The following WDR20 variants were observed in gnomAD, a reference collection of about 807,000 sequenced individuals.
WDR20 encodes WD repeat-containing protein 20.
In WDR20, 3 loss-of-function variants were observed where a neutral mutation model predicts 38.7. The observed-to-expected ratio is 0.08, with a 90% confidence interval of 0.04 to 0.20. The LOEUF is 0.20. WDR20 is among the 10% of genes least tolerant of loss of function. The pLI is 1.00. For synonymous variants in WDR20, 298 were observed against 285.6 expected (o/e 1.04, Z -0.44); for missense variants, 559 against 727.7 (o/e 0.77, Z 2.67).
At chr14:102,174,578 C>T (rs751721909) in intron 1 of WDR20, among the ~76,000 whole-genome samples, 1 of 152,102 alleles carries the variant, frequency 6.6e-6, no homozygotes, top group African/African-American at 2.4e-5. Context: ...CGCCACCATG[C>T]CTGGCTAATT....
intron 1 of WDR20, among the ~76,000 whole-genome samples, chr14:102,168,474 G>A (rs985858180): frequency 6.6e-6 from 1 of 151,910 alleles, no homozygotes; most frequent in Non-Finnish European, 1.5e-5. Flanking sequence ...CCCTAGTACC[G>A]AGTATTATGC....
chr14:102,161,121 C>CATATATATATATATATACAT (rs2058560413), intron 1 of WDR20, among the ~76,000 whole-genome samples: 1 of 11,130 alleles, frequency 9.0e-5, no homozygotes, highest in Non-Finnish European at 1.8e-4. Flanking sequence ...AGCATAACTG[C>CATATATATATATATATACAT]ATATATATAT....
chr14:102,194,024 G>A (rs1376639734), intron 1 of WDR20, among the ~76,000 whole-genome samples: 1 of 152,218 alleles, frequency 6.6e-6, no homozygotes, highest in Admixed American at 6.5e-5. Context: ...ACCCAAGTGA[G>A]AAATCATTTG....
At chr14:102,178,391 CAAA>C (rs34653819) in intron 1 of WDR20, among the ~76,000 whole-genome samples, 9 of 143,222 alleles carry the variant, frequency 6.3e-5, no homozygotes, top group Admixed American at 1.4e-4. Flanking sequence ...GACTCTGTCT[CAAA>C]AAAAAAAAAA....
At chr14:102,147,775 G>A (rs537792787) in intron 1 of WDR20, among the ~76,000 whole-genome samples, 87 of 152,268 alleles carry the variant, frequency 5.7e-4, no homozygotes, top group African/African-American at 1.9e-3. Flanking sequence ...CTATTCCCCA[G>A]GCTGGAGTGC....
At chr14:102,212,632 C>T (rs1486015707), downstream of WDR20, 35 of 1,534,744 alleles carry the variant, frequency 2.3e-5, no homozygotes, top group African/African-American at 8.2e-5. Flanking sequence ...GGCAGGGAAG[C>T]GCCCTTCTCC....
At chr14:102,211,964 C>T (rs937616051), downstream of WDR20, among the ~76,000 whole-genome samples, 3 of 152,258 alleles carry the variant, frequency 2.0e-5, no homozygotes, top group South Asian at 2.1e-4. This position sits in a 1 kb window ranked among gnomAD's most constrained non-coding sequence, Gnocchi z 4.2. Context: ...GAGTAACCAA[C>T]GTGACCGACT....
At chr14:102,197,745 GT>G (rs1190080083) in intron 2 of WDR20, 2 of 700,146 alleles carry the variant, frequency 2.9e-6, no homozygotes, top group East Asian at 2.7e-5. Context: ...GATCAAATGT[GT>G]TTTTTTAGAA....
chr14:102,139,713 C>T, upstream of WDR20: 2 of 743,506 alleles, frequency 2.7e-6, no homozygotes, highest in Non-Finnish European at 4.3e-6. Flanking sequence ...GACGCCCAGT[C>T]GGGTGGAGCA....
intron 1 of WDR20, among the ~76,000 whole-genome samples, chr14:102,145,992 T>G (rs531265551): frequency 1.4e-4 from 22 of 151,834 alleles, no homozygotes; most frequent in Middle Eastern, 6.8e-3. Flanking sequence ...CTCAGTTGTT[T>G]TTTTTTTTTT....
chr14:102,209,336 T>C lies in WDR20; in HGVS notation c.1166T>C (p.Phe389Ser). Residue 389 changes from phenylalanine to serine, a missense_variant, in exon 3 of 3, where the codon TTC (phenylalanine) becomes TCC (serine). Coordinates refer to ENST00000342702, the MANE Select transcript of WDR20 (RefSeq NM_144574.4). This position sits in a 1 kb window ranked among gnomAD's most constrained non-coding sequence, Gnocchi z 6.0. ...TGGGACCTTACAGAAGATATCCTTT[T>C]CCCTCACCAACCCCTCTCAAGAGCA... ...CLWDLTEDIL[F>S]PHQPLSRART... The C allele has an allele frequency of 1.2e-6, 2 of 1,614,058 alleles. No homozygotes were observed. Among genetic ancestry groups the C allele is most frequent in the Non-Finnish European group, 1.7e-6 (2 of 1,180,010 alleles).
chr14:102,160,970 A>T (rs28438611), intron 1 of WDR20, among the ~76,000 whole-genome samples: 2 of 144,598 alleles, frequency 1.4e-5, no homozygotes, highest in East Asian at 4.1e-4. Flanking sequence ...AAAAAAAAGA[A>T]TAATGCTGCA....
In WDR20 at chr14:102,161,142, A is replaced by ATTTT. The variant is rs1233679287; in HGVS notation, c.249+20993_249+20996dup. Among the ~76,000 whole-genome samples the ATTTT allele has an allele frequency of 3.2e-3, 52 of 16,052 alleles. 10 individuals carry two copies. Among genetic ancestry groups the ATTTT allele is most frequent in the Non-Finnish European group, 4.1e-3 (43 of 10,478 alleles). The allele number at this position is 16,052 out of a possible 152,430, so 10.5% of individuals were successfully genotyped here. On this transcript the variant is annotated intron_variant, in intron 1 of 2. Transcript: ENST00000342702. ...ACTGCATATATATATATATATATATATTTTTTTTTTTTTTTTTTTTTTTTT... is the reference window on the plus strand; with the variant it reads ...ACTGCATATATATATATATATATATATTTTTTTTTTTTTTTTTTTTTTTTTTTTT...
At chr14:102,139,584 C>A, upstream of WDR20, 1 of 703,712 alleles carries the variant, frequency 1.4e-6, no homozygotes. Flanking sequence ...TCCCCCTGAC[C>A]GGCTTTCCGC....
At chr14:102,204,658 A>T (rs551302011) in intron 2 of WDR20, among the ~76,000 whole-genome samples, 1 of 152,312 alleles carries the variant, frequency 6.6e-6, no homozygotes, top group South Asian at 2.1e-4. Flanking sequence ...GCCTTCCTGT[A>T]GGGAGACAGG....
In WDR20 at chr14:102,210,358, A is replaced by C. The variant is rs1344447809; in HGVS notation, c.*478A>C. 3 of 985,790 alleles carry C rather than the reference A, an allele frequency of 3.0e-6. No individual in the cohort carries two copies. In the East Asian group the frequency reaches 3.4e-4, roughly 112 times the overall value. The allele number at this position is 985,790 out of a possible 1,614,324, so 61.1% of individuals were successfully genotyped here. A position where few individuals can be genotyped will look rare whatever the true frequency, so the allele number is the denominator to read the frequency against. On this transcript the variant is annotated 3_prime_UTR_variant, in exon 3 of 3. Coordinates refer to ENST00000342702, the MANE Select transcript of WDR20 (RefSeq NM_144574.4). ...TTTTTATCTTAATCATAAAATGTTT[A>C]GGAATCTATGAAATTTAACTTTAGG...
At chr14:102,187,904 G>C (rs938571799) in intron 1 of WDR20, among the ~76,000 whole-genome samples, 8 of 152,180 alleles carry the variant, frequency 5.3e-5, no homozygotes, top group African/African-American at 1.9e-4. Context: ...TGCTTTGGGT[G>C]TAGGCCAGGT....
At chr14:102,144,169 CCTTT>C (rs974149036) in intron 1 of WDR20, among the ~76,000 whole-genome samples, 4 of 151,850 alleles carry the variant, frequency 2.6e-5, no homozygotes, top group African/African-American at 9.7e-5. Context: ...AGAATGAGAC[CCTTT>C]CTTTAAAACA....
At position 102,220,855 on chromosome 14, in the gene WDR20, A is replaced by G. The variant is rs2063809203; in HGVS notation, c.1693-1975A>G. ...TGGATCGCGGCTCATTGCACCCTGC[A>G]TCTCCTGGGCTCAAGCCATCCTCCT... On this transcript the variant is annotated intron_variant, in intron 3 of 3. Transcript: ENST00000335263. The surrounding 1 kb of genome is among the most constrained non-coding windows in gnomAD (Gnocchi z 4.2). 1.3e-5 allele frequency among the ~76,000 whole-genome samples: 2 copies of G among 151,766 alleles called. No individual in the cohort carries two copies. The highest frequency in any genetic ancestry group is 1.5e-5 in the Non-Finnish European group (1 of 67,958).
Sources: gnomAD v4.1 joint callset for allele counts (sites outside exome capture counted in the v4.1 genomes callset) on GRCh38, gnomAD v4.1.1 for gene constraint, Gnocchi (gnomAD v3.1) non-coding constraint, MANE v1.5 for transcripts, NCBI Gene and HGNC (gene_info 2026-07-23, HGNC 2026-07-21) for gene names.